The following RASSF3 variants were observed in gnomAD, a reference collection of about 807,000 sequenced individuals.
RASSF3 encodes the protein ras association domain-containing protein 3.
A neutral mutation model predicts 19.9 loss-of-function variants in RASSF3; 19 were observed. The observed-to-expected ratio is 0.96, with a 90% CI of 0.67 to 1.40. RASSF3 has a LOEUF of 1.40. RASSF3 is among the 40% of genes most tolerant of loss of function. The probability of loss-of-function intolerance (pLI) is 0.00; values close to 1 mark genes in which losing one functional copy is unlikely to be tolerated. For missense variants in RASSF3, 306 were observed against 289.8 expected (o/e 1.06, Z -0.41); for synonymous variants, 110 against 104.2 (o/e 1.06, Z -0.34).
At chr12:64,564,175 A>G (rs568554048) in intron 2 of RASSF3, among the ~76,000 whole-genome samples, 1 of 152,304 alleles carries the variant, frequency 6.6e-6, no homozygotes, top group South Asian at 2.1e-4. Context: ...TGTCAGTTGT[A>G]AGTATTGACT....
intron 1 of RASSF3, among the ~76,000 whole-genome samples, chr12:64,514,218 G>A (rs1460549465): frequency 1.6e-5 from 2 of 121,930 alleles, no homozygotes; most frequent in African/African-American, 6.9e-5. Context: ...TTTTGAGATG[G>A]AGTCTCGCTC....
intron 1 of RASSF3, among the ~76,000 whole-genome samples, chr12:64,645,136 C>A (rs1871685411): frequency 6.6e-6 from 1 of 152,086 alleles, no homozygotes; most frequent in Non-Finnish European, 1.5e-5. Context: ...ATATTGAACA[C>A]CTGCCAGGTT....
intron 1 of RASSF3, among the ~76,000 whole-genome samples, chr12:64,511,222 A>G (rs1003669563): frequency 2.6e-5 from 4 of 152,196 alleles, no homozygotes; most frequent in Non-Finnish European, 5.9e-5. Flanking sequence ...AATATCTGAG[A>G]CCTTATGTAA....
intron 1 of RASSF3, among the ~76,000 whole-genome samples, chr12:64,637,145 G>C (rs758182751): frequency 8.5e-5 from 13 of 152,156 alleles, no homozygotes; most frequent in Non-Finnish European, 1.9e-4. Context: ...GAAGCCCACA[G>C]TGATACCTTG....
At chr12:64,555,272 T>C (rs1312748805) in intron 2 of RASSF3, among the ~76,000 whole-genome samples, 1 of 151,828 alleles carries the variant, frequency 6.6e-6, no homozygotes, top group Admixed American at 6.6e-5. Flanking sequence ...AGAAATGTAG[T>C]CTTGCTATGT....
At chr12:64,537,509 G>A (rs988046321) in intron 1 of RASSF3, among the ~76,000 whole-genome samples, 2 of 152,112 alleles carry the variant, frequency 1.3e-5, no homozygotes, top group Non-Finnish European at 2.9e-5. Context: ...TCACACCCTT[G>A]ACTTCCCATA....
intron 2 of RASSF3, among the ~76,000 whole-genome samples, chr12:64,568,616 T>C (rs1869469933): frequency 6.6e-6 from 1 of 152,154 alleles, no homozygotes; most frequent in Non-Finnish European, 1.5e-5. Flanking sequence ...CCCAGTCTGT[T>C]TGGTGGGGTT....
chr12:64,551,312 C>G (rs1008217810), intron 2 of RASSF3, among the ~76,000 whole-genome samples: 7 of 152,164 alleles, frequency 4.6e-5, no homozygotes, highest in African/African-American at 1.4e-4. Flanking sequence ...AATAGGCTCA[C>G]TCCTGTAATC....
intron 1 of RASSF3, among the ~76,000 whole-genome samples, chr12:64,625,669 A>G (rs561832003): frequency 5.5e-4 from 84 of 152,192 alleles, no homozygotes; most frequent in African/African-American, 1.9e-3. Flanking sequence ...ATACGTGCAA[A>G]CTGTATAACG....
intron 2 of RASSF3, among the ~76,000 whole-genome samples, chr12:64,598,250 T>A (rs749900770): frequency 1.3e-5 from 2 of 152,172 alleles, no homozygotes; most frequent in African/African-American, 4.8e-5. Flanking sequence ...TCTTCTGACT[T>A]TGGCTTATAT....
intron 2 of RASSF3, among the ~76,000 whole-genome samples, chr12:64,580,539 G>A (rs916750134): frequency 7.3e-5 from 11 of 151,044 alleles, no homozygotes; most frequent in African/African-American, 2.4e-4. Context: ...ACTCCATCCT[G>A]GGGGATAGAA....
chr12:64,546,547 G>T (rs553704376), downstream of RASSF3, among the ~76,000 whole-genome samples: 8 of 152,220 alleles, frequency 5.3e-5, no homozygotes, highest in Non-Finnish European at 1.2e-4. Flanking sequence ...TGGGATAAAA[G>T]GCGTGAGCCA....
intron 1 of RASSF3, among the ~76,000 whole-genome samples, chr12:64,665,367 A>G (rs903696705): frequency 2.0e-5 from 3 of 152,206 alleles, no homozygotes; most frequent in African/African-American, 7.2e-5. Flanking sequence ...TTCACTTTTA[A>G]TATTGATTTT....
intron 1 of RASSF3, among the ~76,000 whole-genome samples, chr12:64,650,749 TAAAA>T (rs1260726745): frequency 1.3e-5 from 2 of 152,044 alleles, no homozygotes; most frequent in Non-Finnish European, 2.9e-5. Flanking sequence ...TTAGGAGTCT[TAAAA>T]AAAGTCTTTT....
chr12:64,540,021 G>A (rs528393887), intron 1 of RASSF3, among the ~76,000 whole-genome samples: 57 of 152,156 alleles, frequency 3.7e-4, no homozygotes, highest in Non-Finnish European at 7.5e-4. Flanking sequence ...GCTTACATAC[G>A]TATCTTCAGA....
chr12:64,542,857 C>G (rs1868957061), downstream of RASSF3, among the ~76,000 whole-genome samples: 6 of 152,336 alleles, frequency 3.9e-5, no homozygotes, highest in South Asian at 1.2e-3. Flanking sequence ...CAGCCCGCCG[C>G]TGCACTGTGG....
chr12:64,689,791 C>CTTTTTTTTTTTTTTTTTTTTTT lies in RASSF3; in HGVS notation c.457+1351_457+1352insTTTTTTTTTTTTTTTTTTTTTT, dbSNP rs762822586. 6.8e-4 allele frequency among the ~76,000 whole-genome samples: 66 copies of CTTTTTTTTTTTTTTTTTTTTTT among 96,550 alleles called. 8 individuals are homozygous for CTTTTTTTTTTTTTTTTTTTTTT. The highest frequency in any genetic ancestry group is 0.011 in the Middle Eastern group (1 of 94). The allele number at this position is 96,550 out of a possible 152,430, so 63.3% of individuals were successfully genotyped here. A position where few individuals can be genotyped will look rare whatever the true frequency, so the allele number is the denominator to read the frequency against. ...GTTTGTAGCTGCTAATTCGCTAATT[C>CTTTTTTTTTTTTTTTTTTTTTT]TTTTTTTTTTTTTGAGACGGAGTCT... is the stretch of plus-strand genomic sequence containing the variant. On this transcript the variant is annotated intron_variant, in intron 3 of 4. Coordinates refer to ENST00000542104, the MANE Select transcript of RASSF3 (RefSeq NM_178169.4).
intron 1 of RASSF3, among the ~76,000 whole-genome samples, chr12:64,540,415 T>C (rs1047014012): frequency 1.3e-5 from 2 of 152,178 alleles, no homozygotes; most frequent in African/African-American, 4.8e-5. Flanking sequence ...TTAGAATTAC[T>C]ATATGACCCA....
intron 2 of RASSF3, among the ~76,000 whole-genome samples, chr12:64,564,415 T>G (rs1161783922): frequency 2.0e-5 from 3 of 151,712 alleles, no homozygotes; most frequent in Non-Finnish European, 4.4e-5. Flanking sequence ...AGAGTTTCAC[T>G]CTTGTTGTCC....
Sources: allele counts gnomAD v4.1 joint callset (sites outside exome capture counted in the v4.1 genomes callset), GRCh38; gene constraint gnomAD v4.1.1; transcripts MANE v1.5; gene names NCBI Gene and HGNC (gene_info 2026-07-23, HGNC 2026-07-21).